FILIP1L: variants seen among roughly 807,000 people sequenced by gnomAD.
FILIP1L encodes the protein filamin A interacting protein 1 like.
In FILIP1L, 55 loss-of-function variants were observed where a neutral mutation model predicts 96.6. The observed-to-expected ratio is 0.57, with a 90% CI of 0.46 to 0.71. The LOEUF (loss-of-function observed/expected upper bound fraction) is 0.71, where lower values mean the gene tolerates loss of function less well. Ranked by LOEUF, FILIP1L falls within the 30% of genes least tolerant of loss-of-function variation. The pLI, the probability that FILIP1L is intolerant of heterozygous loss-of-function variation, is 0.00. For missense variants in FILIP1L, 1,304 were observed against 1,321.2 expected, an observed-to-expected ratio of 0.99 and a Z score of 0.20; for synonymous variants, 467 against 473.9, an observed-to-expected ratio of 0.99 and a Z score of 0.19.
intron 1 of FILIP1L, among the ~76,000 whole-genome samples, chr3:99,952,691 A>C (rs146049931): frequency 6.6e-6 from 1 of 152,210 alleles, no homozygotes; most frequent in African/African-American, 2.4e-5. Flanking sequence ...TTTCTACCCT[A>C]TATTTTTAAA....
chr3:99,956,280 T>C (rs1237870632), intron 1 of FILIP1L, among the ~76,000 whole-genome samples: 3 of 152,166 alleles, frequency 2.0e-5, no homozygotes, highest in African/African-American at 7.2e-5. Flanking sequence ...CCTCTTCACA[T>C]CTTTACACAT....
chr3:99,884,700 T>G (rs1705835963), intron 4 of FILIP1L, among the ~76,000 whole-genome samples: 1 of 152,232 alleles, frequency 6.6e-6, no homozygotes, highest in Non-Finnish European at 1.5e-5. Context: ...AAGAAAGAGA[T>G]AACAATCATG....
chr3:99,869,424 A>G (rs1426120706), intron 4 of FILIP1L, among the ~76,000 whole-genome samples: 1 of 152,216 alleles, frequency 6.6e-6, no homozygotes, highest in African/African-American at 2.4e-5. Context: ...AACATAATGT[A>G]TTTATTTTAA....
At chr3:99,852,299 A>C (rs1183755388) in intron 4 of FILIP1L, among the ~76,000 whole-genome samples, 1 of 152,232 alleles carries the variant, frequency 6.6e-6, no homozygotes, top group Non-Finnish European at 1.5e-5. Flanking sequence ...GACTACTTAC[A>C]TTCTGATAGG....
At position 99,900,561 on chromosome 3, in the gene FILIP1L, G is replaced by A. The variant is rs149433354; in HGVS notation, c.605+23669C>T. On this transcript the variant is annotated intron_variant, in intron 4 of 5. Coordinates refer to ENST00000477258, the MANE Select transcript of FILIP1L (RefSeq NM_001387850.1). ...TTTGGCCCCAAATGCCATACCTTTA[G>A]CCCTATGTTATAACTAAGGTGTAAT... is the stretch of plus-strand genomic sequence containing the variant. 2.6e-4 allele frequency among the ~76,000 whole-genome samples: 40 copies of A among 152,288 alleles called. 1 individual carries two copies. The East Asian group carries it at 7.3e-3, about 28-fold the overall frequency.
intron 1 of FILIP1L, among the ~76,000 whole-genome samples, chr3:100,098,441 C>G (rs1343915076): frequency 6.6e-6 from 1 of 152,138 alleles, no homozygotes; most frequent in Non-Finnish European, 1.5e-5. Flanking sequence ...TCACAGGATT[C>G]TTGAAATTAA....
intron 1 of FILIP1L, among the ~76,000 whole-genome samples, chr3:99,937,644 G>A (rs1559695907): frequency 6.6e-6 from 1 of 152,206 alleles, no homozygotes; most frequent in Non-Finnish European, 1.5e-5. Flanking sequence ...TTGTTAATGT[G>A]TGTATCCCCA....
Position 100,065,680 on chromosome 3 carries a change from G to A in FILIP1L, c.-11+48373C>T, listed in dbSNP as rs575615346. On this transcript the variant is annotated intron_variant, in intron 1 of 5. Coordinates refer to ENST00000477258, the MANE Select transcript of FILIP1L (RefSeq NM_001387850.1). ...ACCATTATAAAGCTGAGGTGCAAAT[G>A]ACACTTGATTTGTTTTCCTTGCTAT... 6.9e-3 allele frequency among the ~76,000 whole-genome samples: 707 copies of A among 102,606 alleles called. 2 individuals are homozygous for A. Among genetic ancestry groups the A allele is most frequent in the South Asian group, 0.01 (34 of 3,296 alleles). 67.3% of individuals were successfully genotyped at this position (102,606 alleles called of 152,430 possible). A position where few individuals can be genotyped will look rare whatever the true frequency, so the allele number is the denominator to read the frequency against.
chr3:99,868,817 C>G (rs1370345131), intron 4 of FILIP1L, among the ~76,000 whole-genome samples: 3 of 152,190 alleles, frequency 2.0e-5, no homozygotes, highest in Admixed American at 2.0e-4. Context: ...CTTAACTTGT[C>G]TAACCCTGGC....
chr3:99,940,299 C>G (rs1457295999), intron 1 of FILIP1L, among the ~76,000 whole-genome samples: 1 of 152,204 alleles, frequency 6.6e-6, no homozygotes, highest in Admixed American at 6.5e-5. Flanking sequence ...ACTTCCAACC[C>G]TAGATCAGAG....
intron 1 of FILIP1L, among the ~76,000 whole-genome samples, chr3:100,043,206 T>C (rs2065232355): frequency 6.6e-6 from 1 of 152,232 alleles, no homozygotes; most frequent in Non-Finnish European, 1.5e-5. Context: ...AGTATTTCAT[T>C]CTTTACTGTG....
chr3:99,886,602 A>C (rs1005705661), intron 4 of FILIP1L, among the ~76,000 whole-genome samples: 2 of 148,340 alleles, frequency 1.3e-5, no homozygotes, highest in African/African-American at 5.0e-5. Context: ...CAAAGGCCCA[A>C]AAAAAAATTA....
intron 4 of FILIP1L, among the ~76,000 whole-genome samples, chr3:99,912,963 G>T (rs1174826332): frequency 6.6e-6 from 1 of 152,152 alleles, no homozygotes; most frequent in Non-Finnish European, 1.5e-5. Flanking sequence ...CAATGTGATG[G>T]TATTAGGAAG....
At chr3:99,953,163 A>G (rs1223453372) in intron 1 of FILIP1L, among the ~76,000 whole-genome samples, 1 of 152,174 alleles carries the variant, frequency 6.6e-6, no homozygotes, top group African/African-American at 2.4e-5. Flanking sequence ...ATTAAATAAT[A>G]TTATCTTTTT....
At chr3:99,854,422 G>C (rs1943853421) in intron 4 of FILIP1L, among the ~76,000 whole-genome samples, 2 of 152,212 alleles carry the variant, frequency 1.3e-5, no homozygotes, top group African/African-American at 4.8e-5. Context: ...CATAGACCTT[G>C]AGGTGCAGAA....
rs561368811 is a variant in FILIP1L at position 99,847,869 on chromosome 3, C to G, written c.3381+426G>C. 56 of 867,820 alleles carry G rather than the reference C, an allele frequency of 6.5e-5. No homozygotes were observed. In the African/African-American group the frequency reaches 9.3e-4, roughly 14 times the overall value. 53.8% of individuals were successfully genotyped at this position (867,820 alleles called of 1,614,324 possible). ...GAGACTATAAGCAAAAGACAAAATT[C>G]TATTGTACATGCAGAAATATAACAC... On this transcript the variant is annotated intron_variant, in intron 5 of 5. Coordinates refer to ENST00000477258, the MANE Select transcript of FILIP1L (RefSeq NM_001387850.1).
chr3:100,107,913 A>G (rs1223922859), intron 1 of FILIP1L, among the ~76,000 whole-genome samples: 1 of 151,656 alleles, frequency 6.6e-6, no homozygotes, highest in African/African-American at 2.4e-5. Flanking sequence ...GCTTAGGGCC[A>G]GAGAATCTCA....
chr3:99,900,791 A>G (rs2107626258), intron 4 of FILIP1L, among the ~76,000 whole-genome samples: 1 of 152,308 alleles, frequency 6.6e-6, no homozygotes, highest in Middle Eastern at 3.4e-3. Flanking sequence ...TCAGCCTCAG[A>G]GATTCTGACC....
At position 99,848,405 on chromosome 3, in the gene FILIP1L, G is replaced by A. The variant is rs1246284660; in HGVS notation, c.3271C>T (p.Arg1091Ter). ...GCCCCGTTAATTAAGCCTTGAGTTC[G>A]GTTATCCTGCAGTGGTGCTGAAGGG... Reference protein sequence around the residue: ...ASPSAPLQDNRTQGLINGALN... With the variant: ...ASPSAPLQDN Residue 1091 changes from arginine (R) to a stop codon, truncating the protein, a stop_gained, in exon 5 of 6, where the codon CGA becomes TGA. Coordinates refer to ENST00000477258, the MANE Select transcript of FILIP1L (RefSeq NM_001387850.1). LOFTEE classifies it high-confidence loss of function. The A allele has an allele frequency of 5.6e-6, 9 of 1,614,008 alleles. No individual in the cohort carries two copies. Among genetic ancestry groups the A allele is most frequent in the African/African-American group, 2.7e-5 (2 of 74,904 alleles).
Sources: allele counts gnomAD v4.1 joint callset (sites outside exome capture counted in the v4.1 genomes callset), GRCh38; gene constraint gnomAD v4.1.1; transcripts MANE v1.5; gene names NCBI Gene and HGNC (gene_info 2026-07-23, HGNC 2026-07-21).